RNF145: variants seen among roughly 807,000 people sequenced by gnomAD.
RNF145 encodes ring finger protein 145.
RNF145 carries 12 observed loss-of-function variants against 57.3 expected under a neutral mutation model. That is an observed-to-expected ratio of 0.21 (90% confidence interval 0.13 to 0.34). The LOEUF (loss-of-function observed/expected upper bound fraction) is 0.34. Among genes scored for constraint, RNF145 ranks in the 10% least tolerant of loss-of-function variants. The probability of loss-of-function intolerance (pLI) is 1.00; values close to 1 mark genes in which losing one functional copy is unlikely to be tolerated. For synonymous variants in RNF145, 262 were observed against 288.3 expected, an observed-to-expected ratio of 0.91 and a Z score of 0.92; for missense variants, 429 against 799.0, an observed-to-expected ratio of 0.54 and a Z score of 5.58.
intron 3 of RNF145, among the ~76,000 whole-genome samples, chr5:159,188,101 G>C (rs992406116): frequency 1.3e-5 from 2 of 152,068 alleles, no homozygotes; most frequent in African/African-American, 4.8e-5. Flanking sequence ...AAGAACACTG[G>C]GCCAGGCACA....
At chr5:159,169,525 T>C (rs1286588265) in intron 7 of RNF145, among the ~76,000 whole-genome samples, 154 bp downstream of exon 7, 1 of 152,210 alleles carries the variant, frequency 6.6e-6, no homozygotes, top group Non-Finnish European at 1.5e-5. Context: ...AATGTATTTT[T>C]TCATAGTATT....
At chr5:159,170,091 C>T (rs1784498372) in intron 6 of RNF145, among the ~76,000 whole-genome samples, 1 of 152,152 alleles carries the variant, frequency 6.6e-6, no homozygotes, top group Non-Finnish European at 1.5e-5. Context: ...ATTCAAAGAG[C>T]CTAAATGTTC....
intron 2 of RNF145, among the ~76,000 whole-genome samples, chr5:159,203,191 T>C (rs1785732919): frequency 6.6e-6 from 1 of 152,196 alleles, no homozygotes; most frequent in African/African-American, 2.4e-5. Context: ...AAATCTAGAA[T>C]GTTTTCTTCT....
At chr5:159,209,593 C>T (rs1268897562), upstream of RNF145, 1 of 1,039,432 alleles carries the variant, frequency 9.6e-7, no homozygotes, top group Non-Finnish European at 1.2e-6. Context: ...CGCCTGCGCG[C>T]GGCCCAGCCA....
intron 3 of RNF145, among the ~76,000 whole-genome samples, chr5:159,191,898 T>A (rs1259738890): frequency 6.6e-6 from 1 of 152,178 alleles, no homozygotes; most frequent in Non-Finnish European, 1.5e-5. Context: ...AAAAATCCTT[T>A]CTTTACCTCT....
intron 3 of RNF145, among the ~76,000 whole-genome samples, chr5:159,182,979 G>C (rs1049725127): frequency 6.6e-5 from 10 of 152,008 alleles, no homozygotes; most frequent in Non-Finnish European, 1.3e-4. Context: ...CTTCCCATTA[G>C]GCAATCAAGT....
At chr5:159,166,649 T>C (rs757309416) in intron 8 of RNF145, among the ~76,000 whole-genome samples, 9 of 152,212 alleles carry the variant, frequency 5.9e-5, no homozygotes, top group Non-Finnish European at 1.3e-4. Context: ...CACCCATATG[T>C]GGGTCAGTCT....
intron 3 of RNF145, among the ~76,000 whole-genome samples, chr5:159,190,552 A>C (rs1785253113): frequency 6.6e-6 from 1 of 151,954 alleles, no homozygotes; most frequent in Admixed American, 6.6e-5. Context: ...TTAGCTAGGC[A>C]TGGTGGCGTA....
chr5:159,195,306 T>C (rs1485791940), intron 2 of RNF145, among the ~76,000 whole-genome samples: 5 of 152,328 alleles, frequency 3.3e-5, no homozygotes, highest in East Asian at 1.9e-4. Context: ...TTTCAAAGAA[T>C]GTGCAGGGCT....
At position 159,168,943 on chromosome 5, in the gene RNF145, C is replaced by A; in HGVS notation, c.1051G>T (p.Ala351Ser). Residue 351 changes from alanine to serine, a missense_variant, in exon 8 of 11, where the codon GCT (alanine) becomes TCT (serine). Physicochemically the swap from Ala to Ser is moderately conservative, Grantham distance 99 (BLOSUM62 1). Coordinates refer to ENST00000424310, the MANE Select transcript of RNF145 (RefSeq NM_001199383.2). ...LLSIILFIVV[A>S]SILQSMLEIA... ...TCTAACATAGACTGTAGGATAGAAG[C>A]TACGACAATGAAAAGGATAATACTG... 6.2e-7 allele frequency: 1 copy of A among 1,609,084 alleles called. No homozygotes were observed. The highest frequency in any genetic ancestry group is 2.2e-5 in the East Asian group (1 of 44,570).
chr5:159,171,581 C>T (rs1784561296), intron 6 of RNF145, among the ~76,000 whole-genome samples: 1 of 151,924 alleles, frequency 6.6e-6, no homozygotes, highest in African/African-American at 2.4e-5. Context: ...TTTCTTTGCT[C>T]TCTCTTCATT....
At chr5:159,182,572 T>C (rs933402975) in intron 3 of RNF145, among the ~76,000 whole-genome samples, 4 of 152,148 alleles carry the variant, frequency 2.6e-5, no homozygotes, top group African/African-American at 9.7e-5. Context: ...TTCAACTCTA[T>C]ATGAAATCTA....
chr5:159,210,006 A>G (rs994560906), upstream of RNF145: 68 of 1,012,096 alleles, frequency 6.7e-5, no homozygotes, highest in Admixed American at 1.4e-3. Context: ...CCCAGCACCA[A>G]GTGCAGGCAC....
intron 8 of RNF145, among the ~76,000 whole-genome samples, chr5:159,167,168 A>G (rs1784416425): frequency 6.6e-6 from 1 of 152,146 alleles, no homozygotes; most frequent in Non-Finnish European, 1.5e-5. Context: ...TTTAAAACAT[A>G]CTGGCATGTA....
At chr5:159,200,014 T>C (rs1360868307) in intron 2 of RNF145, among the ~76,000 whole-genome samples, 1 of 151,828 alleles carries the variant, frequency 6.6e-6, no homozygotes, top group African/African-American at 2.4e-5. Flanking sequence ...ACGATAGCAA[T>C]AAAAAAGATA....
At chr5:159,173,778 T>C (rs1007645726) in intron 6 of RNF145, among the ~76,000 whole-genome samples, 8 of 152,214 alleles carry the variant, frequency 5.3e-5, no homozygotes, top group South Asian at 2.1e-4. Flanking sequence ...CTCTGGTCCA[T>C]AGTGCAGCCA....
chr5:159,207,476 A>C, intron 1 of RNF145: 1 of 1,516,676 alleles, frequency 6.6e-7, no homozygotes, highest in South Asian at 1.2e-5. Flanking sequence ...ATCATTCACC[A>C]TTATCTCCTT....
chr5:159,161,675 T>G (rs1301449253), intron 9 of RNF145, 53 bp from the exon 10 acceptor site: 1 of 1,032,426 alleles, frequency 9.7e-7, no homozygotes, highest in Non-Finnish European at 1.5e-6. Context: ...CTAAGATACT[T>G]TTTTCATAGG....
chr5:159,208,151 A>C, intron 1 of RNF145: 1 of 1,416,942 alleles, frequency 7.1e-7, no homozygotes. Flanking sequence ...CAGATCTCAG[A>C]TGCGTTTGAA....
Sources: gnomAD v4.1 joint callset for allele counts (sites outside exome capture counted in the v4.1 genomes callset) on GRCh38, gnomAD v4.1.1 for gene constraint, MANE v1.5 for transcripts, NCBI Gene and HGNC (gene_info 2026-07-23, HGNC 2026-07-21) for gene names.